GLDC: variants seen among roughly 807,000 people sequenced by gnomAD.
GLDC encodes glycine decarboxylase, also known as glycine dehydrogenase (decarboxylating), mitochondrial.
A neutral mutation model predicts 121.3 loss-of-function variants in GLDC; 104 were observed. The observed-to-expected ratio is 0.86, with a 90% confidence interval of 0.73 to 1.01. The LOEUF is 1.01. Ranked by LOEUF, GLDC falls within the 50% of genes least tolerant of loss-of-function variation. GLDC has a pLI of 0.00. For missense variants in GLDC, 1,429 were observed against 1,306.6 expected (o/e 1.09, Z -1.44); for synonymous variants, 546 against 480.6 (o/e 1.14, Z -1.78).
At chr9:6,641,206 A>G (rs1280509865) in intron 2 of GLDC, among the ~76,000 whole-genome samples, 5 of 152,124 alleles carry the variant, frequency 3.3e-5, no homozygotes, top group Non-Finnish European at 7.4e-5. Context: ...TGTTAATCCC[A>G]CTACCTCCAG....
At chr9:6,592,706 T>C (rs1818398362) in intron 10 of GLDC, 145 bp downstream of exon 10, 1 of 724,034 alleles carries the variant, frequency 1.4e-6, no homozygotes, top group Admixed American at 2.7e-5. Context: ...CAGTGTTGCA[T>C]AATGTAAATA....
intron 21 of GLDC, among the ~76,000 whole-genome samples, chr9:6,543,140 T>C (rs1817305428): frequency 1.3e-5 from 2 of 152,008 alleles, no homozygotes; most frequent in Admixed American, 1.3e-4. Flanking sequence ...GCCAGGTGTG[T>C]GGCAGACATC....
At chr9:6,534,925 C>A in intron 23 of GLDC, 137 bp from the exon 24 acceptor site, 1 of 681,378 alleles carries the variant, frequency 1.5e-6, no homozygotes, top group Non-Finnish European at 2.7e-6. Context: ...TAGGGGGGTA[C>A]AATGTGATTT....
intron 15 of GLDC, among the ~76,000 whole-genome samples, chr9:6,573,424 G>A (rs1818002898): frequency 1.3e-5 from 2 of 152,056 alleles, no homozygotes; most frequent in African/African-American, 4.8e-5. Context: ...TCGTGCCACT[G>A]TACTCCAGCC....
In GLDC at chr9:6,598,469, A is replaced by C. The variant is rs142465937; in HGVS notation, c.1156-3350T>G. 1.8e-4 allele frequency among the ~76,000 whole-genome samples: 27 copies of C among 152,358 alleles called. No homozygotes were observed. The East Asian group carries it at 4.0e-3, about 23-fold the overall frequency. On this transcript the variant is annotated intron_variant, in intron 8 of 24. Transcript: ENST00000321612. ...AGAGTCATGCCCCATCCACGATGCGAAACTAAGAGTGGACTCCCCCACCCA... is the reference window on the plus strand; with the variant it reads ...AGAGTCATGCCCCATCCACGATGCGCAACTAAGAGTGGACTCCCCCACCCA...
chr9:6,635,883 TAAATA>T (rs998412772), intron 2 of GLDC, among the ~76,000 whole-genome samples: 11 of 151,332 alleles, frequency 7.3e-5, no homozygotes, highest in South Asian at 4.2e-4. Context: ...TCAAATAAAA[TAAATA>T]AAATAAAATA....
intron 3 of GLDC, among the ~76,000 whole-genome samples, chr9:6,619,413 A>G (rs1428835510): frequency 6.6e-6 from 1 of 151,942 alleles, no homozygotes; most frequent in East Asian, 1.9e-4. Flanking sequence ...AGGGAACACA[A>G]TTATCTGTCC....
intron 21 of GLDC, among the ~76,000 whole-genome samples, chr9:6,548,034 G>A (rs889600118): frequency 1.3e-5 from 2 of 152,106 alleles, no homozygotes; most frequent in African/African-American, 4.8e-5. Context: ...AGCTACTTGG[G>A]AGGATGAGTT....
rs1818388349 is a variant in GLDC, at chr9:6,592,217, T to C, written c.1408A>G (p.Ile470Val). The C allele has an allele frequency of 1.3e-6, 2 of 1,591,888 alleles. No individual in the cohort carries two copies. Among genetic ancestry groups the C allele is most frequent in the African/African-American group, 1.3e-5 (1 of 74,646 alleles). The change falls in exon 11 of 25, where the codon ATT (isoleucine) becomes GTT (valine). Residue 470 changes from isoleucine to valine, a missense_variant. Ile to Val is a conservative substitution (Grantham distance 29). Transcript: ENST00000321612. The part of the protein sequence containing the change: ...FRLFEDGTLG[I>V]SLDETVNEKD... Reference sequence around the variant, plus strand: ...TCATTGACTGTTTCATCAAGAGAAATACCAAGCTACAGAAACACAAACAAA... The same window carrying C: ...TCATTGACTGTTTCATCAAGAGAAACACCAAGCTACAGAAACACAAACAAA...
chr9:6,606,675 G>A lies in GLDC; in HGVS notation c.636-6C>T, dbSNP rs2129903875. The A allele has an allele frequency of 6.3e-7, 1 of 1,576,044 alleles. No homozygotes were observed. The highest frequency in any genetic ancestry group is 8.7e-7 in the Non-Finnish European group (1 of 1,146,190). On this transcript the variant is annotated splice_polypyrimidine_tract_variant and splice_region_variant and intron_variant, in intron 4 of 24. Coordinates refer to ENST00000321612, the MANE Select transcript of GLDC (RefSeq NM_000170.3). Reference sequence around the variant, plus strand: ...ATTTCCTCCTCTTGTTGTGTCTGTTGAAAAGAAAAAGCACATTCCAACGTG... The same window carrying A: ...ATTTCCTCCTCTTGTTGTGTCTGTTAAAAAGAAAAAGCACATTCCAACGTG...
intron 21 of GLDC, among the ~76,000 whole-genome samples, chr9:6,545,292 C>A (rs1817364261): frequency 6.6e-6 from 1 of 152,158 alleles, no homozygotes; most frequent in Non-Finnish European, 1.5e-5. Context: ...ACTATATATA[C>A]CTAGGCTACA....
intron 3 of GLDC, among the ~76,000 whole-genome samples, chr9:6,618,542 G>C (rs1819010497): frequency 6.6e-6 from 1 of 152,100 alleles, no homozygotes; most frequent in Non-Finnish European, 1.5e-5. Flanking sequence ...CCCAGTCTCA[G>C]ATGATCCACC....
At chr9:6,630,959 G>A (rs963999624) in intron 2 of GLDC, among the ~76,000 whole-genome samples, 1 of 152,176 alleles carries the variant, frequency 6.6e-6, no homozygotes, top group Admixed American at 6.5e-5. Flanking sequence ...GGTTTCACTA[G>A]CCAAGTCAGC....
At chr9:6,546,513 C>G (rs1381837001) in intron 21 of GLDC, among the ~76,000 whole-genome samples, 1 of 151,982 alleles carries the variant, frequency 6.6e-6, no homozygotes, top group Non-Finnish European at 1.5e-5. Context: ...CCTCCGACAT[C>G]TTGTCCTCTG....
chr9:6,554,767 G>A lies in GLDC; in HGVS notation c.2217C>T (p.Arg739=), dbSNP rs757437950. ...ANMNAQVGIC[R]PGDFGSDVSH... ...AGACATCAGACCCGAAGTCTCCAGG[G>A]CGACAGATTCCCACCTACCACAAAG... Residue 739 remains arginine, a synonymous_variant, in exon 19 of 25, where the codon CGC becomes CGT. Transcript: ENST00000321612. The A allele has an allele frequency of 1.9e-6, 3 of 1,612,702 alleles. No homozygotes were observed. In the South Asian group the frequency reaches 3.3e-5, roughly 18 times the overall value.
chr9:6,616,837 C>A (rs894569007), intron 3 of GLDC, among the ~76,000 whole-genome samples: 2 of 152,162 alleles, frequency 1.3e-5, no homozygotes, highest in Non-Finnish European at 2.9e-5. Flanking sequence ...TTGGCTGTGA[C>A]TTTCTTTTGG....
At chr9:6,537,671 C>T (rs1185170678) in intron 22 of GLDC, among the ~76,000 whole-genome samples, 32 of 152,092 alleles carry the variant, frequency 2.1e-4, no homozygotes, top group Admixed American at 2.0e-3. Context: ...ATCCCAGCTA[C>T]TTAGAAAGCT....
chr9:6,578,144 A>C (rs1207823857), intron 15 of GLDC, among the ~76,000 whole-genome samples: 1 of 150,982 alleles, frequency 6.6e-6, no homozygotes, highest in Non-Finnish European at 1.5e-5. Context: ...TTTTTTCGAG[A>C]CAGGATCTTG....
rs986245742 is a variant in GLDC, at chr9:6,591,124, T to C, written c.1482+1019A>G. On this transcript the variant is annotated intron_variant, in intron 11 of 24. Coordinates refer to ENST00000321612, the MANE Select transcript of GLDC (RefSeq NM_000170.3). Reference sequence around the variant, plus strand: ...CTCTCATCCCATGGAATGGTAACTTTTCTCTTGCTTTCCCCCACTACTTCA... The same window carrying C: ...CTCTCATCCCATGGAATGGTAACTTCTCTCTTGCTTTCCCCCACTACTTCA... Among the ~76,000 whole-genome samples, 5 of 152,336 alleles carry C rather than the reference T, an allele frequency of 3.3e-5. No homozygotes were observed. The East Asian group carries it at 5.8e-4, about 18-fold the overall frequency.
Sources: allele counts gnomAD v4.1 joint callset (sites outside exome capture counted in the v4.1 genomes callset), GRCh38; gene constraint gnomAD v4.1.1; transcripts MANE v1.5; gene names NCBI Gene and HGNC (gene_info 2026-07-23, HGNC 2026-07-21).